P3H2: variants seen among roughly 807,000 people sequenced by gnomAD.
P3H2 encodes leprecan-like 1.
P3H2 carries 80 observed loss-of-function variants against 87.0 expected under a neutral mutation model. The ratio of observed to expected loss-of-function variants is 0.92; its 90% CI spans 0.77 to 1.11. The LOEUF (loss-of-function observed/expected upper bound fraction) is 1.11, where lower values mean the gene tolerates loss of function less well. P3H2 is among the 50% of genes least tolerant of loss of function. The pLI, the probability that P3H2 is intolerant of heterozygous loss-of-function variation, is 0.00. For missense variants in P3H2, 1,001 were observed against 923.9 expected, an observed-to-expected ratio of 1.08 and a Z score of -1.08; for synonymous variants, 367 against 359.3, an observed-to-expected ratio of 1.02 and a Z score of -0.24.
At chr3:190,084,955 A>G (rs35418167) in intron 1 of P3H2, among the ~76,000 whole-genome samples, 18,373 of 149,810 alleles carry the variant, frequency 0.12, 1,378 homozygotes, top group Non-Finnish European at 0.17. Context: ...ACAAACAAAA[A>G]AAAAAAAGAA....
chr3:190,074,588 G>T (rs560736251), intron 1 of P3H2, among the ~76,000 whole-genome samples: 42 of 152,032 alleles, frequency 2.8e-4, no homozygotes, highest in African/African-American at 1.0e-3. Context: ...TAAAAAAAAA[G>T]ATATCACCTA....
Position 189,959,644 on chromosome 3 carries a change from A to C in P3H2, c.2035-1640T>G, listed in dbSNP as rs138456920. Among the ~76,000 whole-genome samples, 48 of 152,112 alleles carry C rather than the reference A, an allele frequency of 3.2e-4. 1 individual carries two copies. The highest frequency in any genetic ancestry group is 1.0e-3 in the African/African-American group (42 of 41,490). ...ACTTTCAAAAGAATTCCCTAATCCG[A>C]TTCTGAATTAAGTGTTTCTCTGGAT... On this transcript the variant is annotated intron_variant, in intron 14 of 14. Coordinates refer to ENST00000319332, the MANE Select transcript of P3H2 (RefSeq NM_018192.4).
At chr3:190,003,300 T>C (rs979086493) in intron 1 of P3H2, among the ~76,000 whole-genome samples, 2 of 152,188 alleles carry the variant, frequency 1.3e-5, no homozygotes, top group South Asian at 2.1e-4. Context: ...TAAACACTAA[T>C]GGTGAATAGC....
chr3:190,028,099 T>C (rs1279133912), intron 1 of P3H2, among the ~76,000 whole-genome samples: 1 of 152,178 alleles, frequency 6.6e-6, no homozygotes, highest in Non-Finnish European at 1.5e-5. Flanking sequence ...GTTCCCTCTA[T>C]TTCCACATAT....
chr3:190,048,674 G>A (rs1725881248), intron 1 of P3H2, among the ~76,000 whole-genome samples: 1 of 152,054 alleles, frequency 6.6e-6, no homozygotes, highest in South Asian at 2.1e-4. Flanking sequence ...AATTCTCCTG[G>A]AGAAGATGAT....
Position 189,987,593 on chromosome 3 carries a change from G to T in P3H2, c.1032C>A (p.Asp344Glu). Residue 344 changes from aspartate (D) to glutamate (E), a missense_variant, in exon 5 of 15, where the codon GAC becomes GAA. Asp to Glu is a conservative substitution (Grantham distance 45, BLOSUM62 2). Transcript: ENST00000319332. ...GCAGACTCTCATAGTAATCCACATT[G>T]TCTAGGACATCCTCATCATCTGGAT... The part of the protein sequence containing the change: ...LCHPDDEDVL[D>E]NVDYYESLLD... The T allele has an allele frequency of 6.2e-7, 1 of 1,613,776 alleles. No individual in the cohort carries two copies. Among genetic ancestry groups the T allele is most frequent in the Non-Finnish European group, 8.5e-7 (1 of 1,179,908 alleles).
intron 1 of P3H2, among the ~76,000 whole-genome samples, chr3:190,114,066 T>C (rs112945325): frequency 0.089 from 7,380 of 82,582 alleles, 594 homozygotes; most frequent in Middle Eastern, 0.16. Context: ...GGCGACAGAG[T>C]GAGACTCCGT....
At chr3:189,961,847 T>G in intron 14 of P3H2, among the ~76,000 whole-genome samples, 1 of 152,218 alleles carries the variant, frequency 6.6e-6, no homozygotes, top group Non-Finnish European at 1.5e-5. Flanking sequence ...TTGTGTTAGC[T>G]TATTTTGAGA....
intron 1 of P3H2, among the ~76,000 whole-genome samples, chr3:190,097,513 T>G (rs77699357): frequency 0.035 from 5,320 of 152,254 alleles, 144 homozygotes; most frequent in Non-Finnish European, 0.055. Context: ...CCCCACATAC[T>G]GTGCTCTGGG....
At chr3:189,986,673 G>T (rs1286042453) in intron 6 of P3H2, 115 bp downstream of exon 6, 6 of 758,292 alleles carry the variant, frequency 7.9e-6, no homozygotes, top group Non-Finnish European at 1.4e-5. Context: ...CCTCAAGGAG[G>T]GCATCGAAAT....
intron 1 of P3H2, among the ~76,000 whole-genome samples, chr3:190,105,632 C>A (rs937176022): frequency 3.3e-5 from 5 of 152,204 alleles, no homozygotes; most frequent in Non-Finnish European, 5.9e-5. Flanking sequence ...TAATTCCTTT[C>A]CTGTAAACTT....
At chr3:189,987,885 C>G in intron 4 of P3H2, 1 of 574,288 alleles carries the variant, frequency 1.7e-6, no homozygotes, top group Middle Eastern at 4.8e-4. Context: ...TGCTTTGGTA[C>G]TAGTTGTTTT....
chr3:189,983,766 T>A (rs73890137), intron 7 of P3H2, among the ~76,000 whole-genome samples: 32,874 of 151,944 alleles, frequency 0.22, 3,679 homozygotes, highest in Admixed American at 0.29. Context: ...TCCTTTGTGA[T>A]GAGACTCTAA....
chr3:189,967,575 C>T (rs558512683), intron 13 of P3H2, among the ~76,000 whole-genome samples: 1 of 151,510 alleles, frequency 6.6e-6, no homozygotes, highest in African/African-American at 2.4e-5. Context: ...AAATAAAATG[C>T]TTCCTACACT....
chr3:190,082,632 C>T (rs1445897572), intron 1 of P3H2, among the ~76,000 whole-genome samples: 1 of 152,182 alleles, frequency 6.6e-6, no homozygotes, highest in Non-Finnish European at 1.5e-5. Flanking sequence ...TATAGTCTCC[C>T]TACCATACTA....
intron 1 of P3H2, among the ~76,000 whole-genome samples, chr3:190,004,852 TA>T (rs563540775): frequency 1.5e-4 from 23 of 150,888 alleles, no homozygotes; most frequent in Non-Finnish European, 2.4e-4. Flanking sequence ...GTGACTCAAT[TA>T]AAAAAAAAAT....
chr3:190,103,736 T>C (rs571148879), intron 1 of P3H2, among the ~76,000 whole-genome samples: 7 of 152,266 alleles, frequency 4.6e-5, no homozygotes, highest in African/African-American at 1.7e-4. Flanking sequence ...TTATGGTTAA[T>C]TTAGTAGTGG....
chr3:190,118,644 CA>C (rs1712387754), intron 1 of P3H2, among the ~76,000 whole-genome samples: 1 of 151,908 alleles, frequency 6.6e-6, no homozygotes, highest in South Asian at 2.1e-4. Context: ...AGCCACAACA[CA>C]AGGAAGTTAA....
chr3:190,099,161 A>G (rs993977128), intron 1 of P3H2, among the ~76,000 whole-genome samples: 1 of 152,218 alleles, frequency 6.6e-6, no homozygotes, highest in Non-Finnish European at 1.5e-5. Context: ...TTCTTGCAGC[A>G]AAAATACTTA....
Sources: allele counts gnomAD v4.1 joint callset (sites outside exome capture counted in the v4.1 genomes callset), GRCh38; gene constraint gnomAD v4.1.1; transcripts MANE v1.5; gene names NCBI Gene and HGNC (gene_info 2026-07-23, HGNC 2026-07-21).